The following LURAP1 variants were observed in gnomAD, a reference collection of about 807,000 sequenced individuals.
LURAP1 encodes leucine rich adaptor protein 1, also known as NF-kappa-B activator C1orf190.
LURAP1 carries 14 observed loss-of-function variants against 19.0 expected under a neutral mutation model. The observed-to-expected ratio is 0.74, with a 90% CI of 0.49 to 1.15. The LOEUF is 1.15. LURAP1 is among the 50% of genes most tolerant of loss of function. The pLI, the probability that LURAP1 is intolerant of heterozygous loss-of-function variation, is 0.00. For missense variants in LURAP1, 273 were observed against 309.1 expected, an observed-to-expected ratio of 0.88 and a Z score of 0.87; for synonymous variants, 129 against 131.8, an observed-to-expected ratio of 0.98 and a Z score of 0.14.
chr1:46,221,212 G>A lies in LURAP1; in HGVS notation c.*992G>A, dbSNP rs1571695317. 1 of 152,236 alleles carries A rather than the reference G, an allele frequency of 6.6e-6. No individual in the cohort carries two copies. Among genetic ancestry groups the A allele is most frequent in the South Asian group, 2.1e-4 (1 of 4,830 alleles). The allele number at this position is 152,236 out of a possible 1,614,324, so 9.4% of individuals were successfully genotyped here. Reference sequence around the variant, plus strand: ...AAGTTTCTCATTGTCAGATGTTTGTGCTTCTTTTCAGGTCTTACTTTTTAA... The same window carrying A: ...AAGTTTCTCATTGTCAGATGTTTGTACTTCTTTTCAGGTCTTACTTTTTAA... On this transcript the variant is annotated 3_prime_UTR_variant, in exon 2 of 2. Coordinates refer to ENST00000371980, the MANE Select transcript of LURAP1 (RefSeq NM_001013615.3).
intron 1 of LURAP1, among the ~76,000 whole-genome samples, chr1:46,209,250 C>A (rs1571684984): frequency 6.6e-6 from 1 of 152,112 alleles, no homozygotes; most frequent in African/African-American, 2.4e-5. Flanking sequence ...TCTCGAACTC[C>A]CGAACTCAGG....
At chr1:46,205,517 C>T (rs558658155) in intron 1 of LURAP1, among the ~76,000 whole-genome samples, 7 of 152,164 alleles carry the variant, frequency 4.6e-5, no homozygotes, top group South Asian at 2.1e-4. Flanking sequence ...ACAGATAAAA[C>T]GTGCTTGCAG....
chr1:46,205,865 C>T (rs999813824), intron 1 of LURAP1, among the ~76,000 whole-genome samples: 4 of 152,230 alleles, frequency 2.6e-5, no homozygotes, highest in Non-Finnish European at 4.4e-5. Context: ...GATTTGCCTT[C>T]GGGCTACTGA....
rs1011791154 is a variant in LURAP1 at position 46,211,855 on chromosome 1, C to T, written c.199-7844C>T. 6.6e-5 allele frequency among the ~76,000 whole-genome samples: 10 copies of T among 150,992 alleles called. 1 individual carries two copies. Among genetic ancestry groups the T allele is most frequent in the East Asian group, 3.9e-4 (2 of 5,092 alleles). On this transcript the variant is annotated intron_variant, in intron 1 of 1. Transcript: ENST00000371980. Reference sequence around the variant, plus strand: ...TCTCGGCTCACTACAACCTCTGCCTCGGTTCAAGTGATTCTCCTGCCTCAG... The same window carrying T: ...TCTCGGCTCACTACAACCTCTGCCTTGGTTCAAGTGATTCTCCTGCCTCAG...
rs1203839135 is a variant in LURAP1 at position 46,203,406 on chromosome 1, C to T, written c.-21C>T. Reference sequence around the variant, plus strand: ...GGTCCCCGGCGTCCGGTCGCCCAGCCCTTTTCAGGCTTGGGCCCGCATGGA... The same window carrying T: ...GGTCCCCGGCGTCCGGTCGCCCAGCTCTTTTCAGGCTTGGGCCCGCATGGA... On this transcript the variant is annotated 5_prime_UTR_variant, in exon 1 of 2. Coordinates refer to ENST00000371980, the MANE Select transcript of LURAP1 (RefSeq NM_001013615.3). 2.1e-6 allele frequency: 3 copies of T among 1,439,080 alleles called. No homozygotes were observed. Among genetic ancestry groups the T allele is most frequent in the South Asian group, 1.5e-5 (1 of 66,124 alleles). The allele number at this position is 1,439,080 out of a possible 1,614,324, so 89.1% of individuals were successfully genotyped here.
In LURAP1 at chr1:46,204,977, G is replaced by A. The variant is rs186053455; in HGVS notation, c.198+1353G>A. 1.5e-4 allele frequency among the ~76,000 whole-genome samples: 23 copies of A among 152,346 alleles called. No individual in the cohort carries two copies. In the South Asian group the frequency reaches 3.5e-3, roughly 23 times the overall value. On this transcript the variant is annotated intron_variant, in intron 1 of 1. Coordinates refer to ENST00000371980, the MANE Select transcript of LURAP1 (RefSeq NM_001013615.3). ...TATAGATGGAGAAACTGAGGCACAGGGTGGGCATGGTGGCTCACGCCTGTA... is the reference window on the plus strand; with the variant it reads ...TATAGATGGAGAAACTGAGGCACAGAGTGGGCATGGTGGCTCACGCCTGTA...
intron 1 of LURAP1, among the ~76,000 whole-genome samples, chr1:46,213,644 T>C (rs1658972874): frequency 6.6e-6 from 1 of 152,026 alleles, no homozygotes; most frequent in African/African-American, 2.4e-5. Flanking sequence ...AGTTTGAGCC[T>C]GGGAGTTTGA....
chr1:46,212,982 T>A (rs1169568772), intron 1 of LURAP1, among the ~76,000 whole-genome samples: 2 of 152,016 alleles, frequency 1.3e-5, no homozygotes, highest in African/African-American at 4.8e-5. Context: ...GCCAGGATGG[T>A]CTCGATCTCC....
chr1:46,211,439 G>GCACACATACACACACACACA (rs764949785), intron 1 of LURAP1, among the ~76,000 whole-genome samples: 1 of 78,958 alleles, frequency 1.3e-5, no homozygotes, highest in Non-Finnish European at 3.1e-5. Flanking sequence ...ATGAAAACCT[G>GCACACATACACACACACACA]CACACACACA....
chr1:46,216,993 A>T (rs1659090383), intron 1 of LURAP1, among the ~76,000 whole-genome samples: 1 of 152,228 alleles, frequency 6.6e-6, no homozygotes, highest in African/African-American at 2.4e-5. Context: ...TGGATGTGTA[A>T]TAACATTTTA....
intron 1 of LURAP1, among the ~76,000 whole-genome samples, chr1:46,208,601 G>A (rs867181567): frequency 9.8e-5 from 15 of 152,298 alleles, no homozygotes; most frequent in Admixed American, 8.5e-4. Context: ...CCAGCATTTT[G>A]GGAGGCCGAG....
intron 1 of LURAP1, among the ~76,000 whole-genome samples, chr1:46,218,473 A>G (rs1380632139): frequency 6.6e-6 from 1 of 152,256 alleles, no homozygotes. Context: ...GCAGAATGCT[A>G]GAGGCGAAAC....
In LURAP1 at chr1:46,220,124, T is replaced by C; in HGVS notation, c.624T>C (p.Gly208=). 1 of 1,614,180 alleles carries C rather than the reference T, an allele frequency of 6.2e-7. No individual in the cohort carries two copies. The highest frequency in any genetic ancestry group is 1.1e-5 in the South Asian group (1 of 91,088). Residue 208 remains glycine, a synonymous_variant, in exon 2 of 2, where the codon GGT becomes GGC. Transcript: ENST00000371980. Reference sequence around the variant, plus strand: ...AGCCCCCAGGGGAGAGGCTTCAAGGTGGACCACCTGAGTCACCAGAGGATG... The same window carrying C: ...AGCCCCCAGGGGAGAGGCTTCAAGGCGGACCACCTGAGTCACCAGAGGATG... ...VWKPPGERLQ[G]GPPESPEDES... is the part of the protein sequence containing the mutation.
Position 46,212,523 on chromosome 1 carries a change from C to T in LURAP1, c.199-7176C>T, listed in dbSNP as rs147623995. Among the ~76,000 whole-genome samples the T allele has an allele frequency of 8.2e-3, 1,241 of 151,244 alleles. 16 individuals are homozygous for T. Among genetic ancestry groups the T allele is most frequent in the African/African-American group, 0.029 (1,180 of 41,214 alleles). On this transcript the variant is annotated intron_variant, in intron 1 of 1. Transcript: ENST00000371980. ...GTCTTGATCTCCTGACCTCGTGATC[C>T]GCCCGCCTTGGCCTCCCAAAGTGCT...
Position 46,220,338 on chromosome 1 carries a change from A to C in LURAP1, c.*118A>C. On this transcript the variant is annotated 3_prime_UTR_variant, in exon 2 of 2. Coordinates refer to ENST00000371980, the MANE Select transcript of LURAP1 (RefSeq NM_001013615.3). ...AGAGGCTGCACTGAAATCAGTTACC[A>C]TGGAAACCTGGCTCATCATTTCTCT... The C allele has an allele frequency of 8.9e-7, 1 of 1,119,408 alleles. No individual in the cohort carries two copies. The highest frequency in any genetic ancestry group is 1.3e-6 in the Non-Finnish European group (1 of 793,162). 69.3% of individuals were successfully genotyped at this position (1,119,408 alleles called of 1,614,324 possible).
chr1:46,217,469 T>G (rs1187844066), intron 1 of LURAP1, among the ~76,000 whole-genome samples: 1 of 152,226 alleles, frequency 6.6e-6, no homozygotes, highest in Non-Finnish European at 1.5e-5. Context: ...TTCCAAATCC[T>G]AATAAAGTAA....
intron 1 of LURAP1, among the ~76,000 whole-genome samples, chr1:46,206,860 G>A (rs1658732941): frequency 6.6e-6 from 1 of 152,186 alleles, no homozygotes; most frequent in Admixed American, 6.5e-5. Context: ...TGCTCTCAGG[G>A]AGCTCACAGT....
chr1:46,219,981 C>T lies in LURAP1; in HGVS notation c.481C>T (p.Pro161Ser), dbSNP rs1411041277. 1.9e-6 allele frequency: 3 copies of T among 1,614,140 alleles called. No individual in the cohort carries two copies. The highest frequency in any genetic ancestry group is 2.5e-6 in the Non-Finnish European group (3 of 1,180,060). ...VAPSELDEQG[P>S]PGAPRSEMDW... ...CCCCAGCGAGCTGGATGAACAGGGC[C>T]CACCTGGGGCTCCACGTTCCGAGAT... Residue 161 changes from proline to serine, a missense_variant, in exon 2 of 2, where the codon CCA becomes TCA. Transcript: ENST00000371980.
intron 1 of LURAP1, among the ~76,000 whole-genome samples, chr1:46,205,539 A>G (rs1353290430): frequency 6.6e-6 from 1 of 152,196 alleles, no homozygotes; most frequent in Non-Finnish European, 1.5e-5. Context: ...TTCTGAACTC[A>G]CATAGGGAGT....
Sources: gnomAD v4.1 joint callset for allele counts (sites outside exome capture counted in the v4.1 genomes callset) on GRCh38, gnomAD v4.1.1 for gene constraint, MANE v1.5 for transcripts, NCBI Gene and HGNC (gene_info 2026-07-23, HGNC 2026-07-21) for gene names.